The following DLG2 variants were observed in gnomAD, a reference collection of about 807,000 sequenced individuals.
DLG2 encodes the protein discs large MAGUK scaffold protein 2, also known as disks large homolog 2.
In DLG2, 45 loss-of-function variants were observed where a neutral mutation model predicts 132.5. That is an observed-to-expected ratio of 0.34 (90% CI 0.27 to 0.44). The LOEUF is 0.44. Ranked by LOEUF, DLG2 falls within the 20% of genes least tolerant of loss-of-function variation. The pLI, the probability that DLG2 is intolerant of heterozygous loss-of-function variation, is 1.00. For missense variants in DLG2, 1,045 were observed against 1,196.9 expected, an observed-to-expected ratio of 0.87 and a Z score of 1.87; for synonymous variants, 424 against 419.6, an observed-to-expected ratio of 1.01 and a Z score of -0.13.
chr11:85,289,432 T>C (rs951152048), intron 3 of DLG2, among the ~76,000 whole-genome samples: 1 of 152,080 alleles, frequency 6.6e-6, no homozygotes, highest in African/African-American at 2.4e-5. Flanking sequence ...GTAAAAACAA[T>C]ATTTGAAGTC....
chr11:84,720,445 G>GTGCTC, intron 6 of DLG2: 1 of 985,382 alleles, frequency 1.0e-6, no homozygotes, highest in Non-Finnish European at 1.2e-6. Flanking sequence ...CCCAAACGCT[G>GTGCTC]TGCTCGCCGG....
At chr11:83,607,697 A>T (rs1272478579) in intron 19 of DLG2, among the ~76,000 whole-genome samples, 2 of 152,246 alleles carry the variant, frequency 1.3e-5, no homozygotes, top group Non-Finnish European at 2.9e-5. Context: ...AAGAGCCACA[A>T]ACTGGAAATA....
At chr11:83,746,498 G>A (rs1417955316) in intron 18 of DLG2, among the ~76,000 whole-genome samples, 2 of 151,790 alleles carry the variant, frequency 1.3e-5, no homozygotes, top group African/African-American at 2.4e-5. Context: ...AACACCGCAC[G>A]TTCTCACTTA....
At position 85,207,615 on chromosome 11, in the gene DLG2, T is replaced by C. The variant is rs560879342; in HGVS notation, c.187-52964A>G. Reference sequence around the variant, plus strand: ...TAGACCCATTACATGTGTCAAATTTTATTTAAATGAGTCAATTTTATATTC... The same window carrying C: ...TAGACCCATTACATGTGTCAAATTTCATTTAAATGAGTCAATTTTATATTC... On this transcript the variant is annotated intron_variant, in intron 4 of 27. Transcript: ENST00000376104. 3.2e-4 allele frequency among the ~76,000 whole-genome samples: 49 copies of C among 152,294 alleles called. 1 individual carries two copies. Among genetic ancestry groups the C allele is most frequent in the African/African-American group, 1.1e-3 (47 of 41,578 alleles).
chr11:85,023,442 T>G (rs2060248287), intron 6 of DLG2, among the ~76,000 whole-genome samples: 1 of 152,072 alleles, frequency 6.6e-6, no homozygotes, highest in Admixed American at 6.6e-5. Context: ...GAAAAACAAG[T>G]CATTTTGGTG....
rs184727468 is a variant in DLG2, at chr11:85,143,160, C to A, written c.282+11396G>T. ...TCTTTAAATATTTGGTAGAATTCAT[C>A]AGTAAAGTCATTAGGTCTTGAATTT... On this transcript the variant is annotated intron_variant, in intron 5 of 27. Coordinates refer to ENST00000376104, the MANE Select transcript of DLG2 (RefSeq NM_001142699.3). 3.7e-4 allele frequency among the ~76,000 whole-genome samples: 56 copies of A among 151,826 alleles called. 1 individual carries two copies. The highest frequency in any genetic ancestry group is 1.2e-3 in the African/African-American group (51 of 41,492).
intron 6 of DLG2, among the ~76,000 whole-genome samples, chr11:85,039,064 A>G (rs1441198598): frequency 6.6e-6 from 1 of 151,928 alleles, no homozygotes; most frequent in Non-Finnish European, 1.5e-5. Context: ...AATCACTTCT[A>G]AAGAGATTTT....
At chr11:84,587,152 A>T (rs901518096) in intron 6 of DLG2, among the ~76,000 whole-genome samples, 1 of 152,178 alleles carries the variant, frequency 6.6e-6, no homozygotes, top group Non-Finnish European at 1.5e-5. Context: ...GAGAGGAAAA[A>T]TCCCTTTCAG....
intron 7 of DLG2, among the ~76,000 whole-genome samples, chr11:84,485,087 T>C (rs1168285967): frequency 1.3e-5 from 2 of 152,148 alleles, no homozygotes; most frequent in African/African-American, 2.4e-5. Context: ...ACAGCTAACA[T>C]GGAGCCAGAA....
chr11:85,028,255 A>T (rs1196320681), intron 6 of DLG2, among the ~76,000 whole-genome samples: 2 of 152,080 alleles, frequency 1.3e-5, no homozygotes, highest in African/African-American at 4.8e-5. Context: ...TGGGGTTTTC[A>T]TGGGCTTCAG....
chr11:84,727,215 T>C (rs1441528008), intron 6 of DLG2, among the ~76,000 whole-genome samples: 1 of 152,214 alleles, frequency 6.6e-6, no homozygotes, highest in Non-Finnish European at 1.5e-5. Context: ...TTCTAGGATT[T>C]TTACGGTCCC....
intron 7 of DLG2, among the ~76,000 whole-genome samples, chr11:84,279,913 AAAC>A (rs1412443301): frequency 6.6e-6 from 1 of 152,212 alleles, no homozygotes; most frequent in African/African-American, 2.4e-5. Context: ...GTAGGCACAG[AAAC>A]AACATTTTAC....
chr11:83,695,221 T>C (rs2081675467), intron 18 of DLG2, among the ~76,000 whole-genome samples: 1 of 152,146 alleles, frequency 6.6e-6, no homozygotes, highest in African/African-American at 2.4e-5. Flanking sequence ...TAATGGAGCA[T>C]CTATTATATG....
At chr11:84,297,436 TG>T (rs1233165364) in intron 7 of DLG2, among the ~76,000 whole-genome samples, 3 of 152,208 alleles carry the variant, frequency 2.0e-5, no homozygotes, top group Admixed American at 2.0e-4. Context: ...ATCTTCTCAC[TG>T]TCATATTCTG....
intron 6 of DLG2, among the ~76,000 whole-genome samples, chr11:84,645,688 C>T (rs1308516095): frequency 2.6e-5 from 4 of 152,102 alleles, no homozygotes; most frequent in African/African-American, 7.2e-5. Context: ...AGGATGGTCT[C>T]GATCTCCTGA....
At chr11:85,491,199 A>T (rs1416950277) in intron 3 of DLG2, among the ~76,000 whole-genome samples, 1 of 152,128 alleles carries the variant, frequency 6.6e-6, no homozygotes, top group Non-Finnish European at 1.5e-5. Flanking sequence ...GATATAGAAA[A>T]GGCATTTGAT....
intron 3 of DLG2, among the ~76,000 whole-genome samples, chr11:85,392,648 G>C (rs2086900826): frequency 6.6e-6 from 1 of 152,136 alleles, no homozygotes; most frequent in Admixed American, 6.6e-5. Context: ...ACACAATAGA[G>C]AACGCAGAAA....
At chr11:84,422,324 C>G (rs575655000) in intron 7 of DLG2, among the ~76,000 whole-genome samples, 1 of 152,238 alleles carries the variant, frequency 6.6e-6, no homozygotes, top group East Asian at 1.9e-4. Context: ...AAAACTGAGC[C>G]TCAGAGATCT....
intron 3 of DLG2, among the ~76,000 whole-genome samples, chr11:85,320,596 CTG>C (rs1265704069): frequency 6.6e-6 from 1 of 151,682 alleles, no homozygotes; most frequent in African/African-American, 2.4e-5. Flanking sequence ...GACAAGTGCT[CTG>C]GAGAAAAATT....
Sources: gnomAD v4.1 joint callset for allele counts (sites outside exome capture counted in the v4.1 genomes callset) on GRCh38, gnomAD v4.1.1 for gene constraint, MANE v1.5 for transcripts, NCBI Gene and HGNC (gene_info 2026-07-23, HGNC 2026-07-21) for gene names.